The following NMBR variants were observed in gnomAD, a reference collection of about 807,000 sequenced individuals.
NMBR encodes the protein neuromedin-B receptor.
In NMBR, 16 loss-of-function variants were observed where a neutral mutation model predicts 20.5. That is an observed-to-expected ratio of 0.78 (90% CI 0.53 to 1.19). The LOEUF is 1.19. Among genes scored for constraint, NMBR ranks in the 50% most tolerant of loss-of-function variants. NMBR has a pLI of 0.00. For synonymous variants in NMBR, 212 were observed against 196.6 expected (o/e 1.08, Z -0.65); for missense variants, 582 against 499.1 (o/e 1.17, Z -1.58).
intron 1 of NMBR, among the ~76,000 whole-genome samples, chr6:142,113,310 T>A (rs1777803538): frequency 6.6e-6 from 1 of 152,120 alleles, no homozygotes. Context: ...TCATACACAC[T>A]GAGAGTGGCA....
At chr6:142,079,126 G>GAGA (rs1554257076) in intron 2 of NMBR, among the ~76,000 whole-genome samples, 1 of 103,278 alleles carries the variant, frequency 9.7e-6, no homozygotes, top group Non-Finnish European at 1.9e-5. Context: ...AAGAAAGAAA[G>GAGA]AAGAAAGAAA....
intron 1 of NMBR, among the ~76,000 whole-genome samples, chr6:142,132,921 C>T (rs909322163): frequency 3.3e-5 from 5 of 152,078 alleles, no homozygotes; most frequent in African/African-American, 9.7e-5. Context: ...TTAGATTGGC[C>T]ACATGCTCTC....
intron 1 of NMBR, among the ~76,000 whole-genome samples, chr6:142,104,506 A>T (rs1470424680): frequency 1.3e-5 from 2 of 152,200 alleles, no homozygotes; most frequent in Non-Finnish European, 2.9e-5. Flanking sequence ...CTGAAATTTG[A>T]TTTTGGAAAG....
intron 1 of NMBR, among the ~76,000 whole-genome samples, chr6:142,108,252 A>T (rs904357801): frequency 1.3e-5 from 2 of 152,210 alleles, no homozygotes; most frequent in Non-Finnish European, 2.9e-5. Flanking sequence ...CAAATAGGAC[A>T]AACACAAAGA....
intron 1 of NMBR, among the ~76,000 whole-genome samples, chr6:142,097,696 G>C (rs1290180864): frequency 6.6e-6 from 1 of 151,972 alleles, no homozygotes; most frequent in Non-Finnish European, 1.5e-5. Flanking sequence ...ATGAAAATCA[G>C]CAAGTAATTA....
rs1777021716 is a variant in NMBR, at chr6:142,078,975, A to AG, written c.423-73_423-72insC. On this transcript the variant is annotated intron_variant, in intron 2 of 3. Coordinates refer to ENST00000258042, the MANE Select transcript of NMBR (RefSeq NM_002511.4). ...AAAAAGAGAAAGAAAAGAAAGAAAG[A>AG]AAAAGAAAGGAAGAAAGGGAGAGAG... 6 of 1,113,874 alleles carry AG rather than the reference A, an allele frequency of 5.4e-6. No homozygotes were observed. The African/African-American group carries it at 9.5e-5, about 18-fold the overall frequency. 69.0% of individuals were successfully genotyped at this position (1,113,874 alleles called of 1,614,324 possible).
At chr6:142,102,137 C>T (rs1777575685) in intron 1 of NMBR, among the ~76,000 whole-genome samples, 1 of 152,042 alleles carries the variant, frequency 6.6e-6, no homozygotes, top group Non-Finnish European at 1.5e-5. Context: ...GCCTGTAATC[C>T]CAGTACTTTG....
chr6:142,079,126 G>GAAAGAAAGAAAGAGAGAAAGA (rs11451074), intron 2 of NMBR, among the ~76,000 whole-genome samples: 1 of 103,278 alleles, frequency 9.7e-6, no homozygotes, highest in Non-Finnish European at 1.9e-5. Flanking sequence ...AAGAAAGAAA[G>GAAAGAAAGAAAGAGAGAAAGA]AAGAAAGAAA....
chr6:142,079,755 A>C (rs2114556223), intron 2 of NMBR, among the ~76,000 whole-genome samples: 1 of 152,296 alleles, frequency 6.6e-6, no homozygotes, highest in African/African-American at 2.4e-5. Context: ...AAAGCAGAAC[A>C]ATATTCTGTC....
At chr6:142,079,048 GAA>G (rs1777025891) in intron 2 of NMBR, 145 bp from the exon 3 acceptor site, 8 of 438,740 alleles carry the variant, frequency 1.8e-5, no homozygotes, top group Non-Finnish European at 3.2e-5. Context: ...AAGAGAGAAA[GAA>G]AGAGAGAAAG....
chr6:142,077,041 A>G (rs1221354131), intron 3 of NMBR, among the ~76,000 whole-genome samples: 1 of 152,232 alleles, frequency 6.6e-6, no homozygotes, highest in Non-Finnish European at 1.5e-5. Context: ...GATGTTCCAC[A>G]TGGATCCCAG....
intron 2 of NMBR, 71 bp from the exon 3 acceptor site, chr6:142,078,974 G>A (rs770787066): frequency 2.0e-6 from 2 of 997,616 alleles, no homozygotes; most frequent in Non-Finnish European, 1.4e-6. Context: ...AAGAAAGAAA[G>A]AAAAAGAAAG....
intron 1 of NMBR, among the ~76,000 whole-genome samples, chr6:142,116,221 C>T (rs1455142097): frequency 1.3e-5 from 2 of 151,822 alleles, no homozygotes; most frequent in Non-Finnish European, 2.9e-5. Context: ...AGCAGCATGA[C>T]AATGGACTAA....
At chr6:142,114,297 C>A (rs2114592312) in intron 1 of NMBR, among the ~76,000 whole-genome samples, 1 of 152,054 alleles carries the variant, frequency 6.6e-6, no homozygotes, top group Non-Finnish European at 1.5e-5. Flanking sequence ...ATCTCTATCA[C>A]CTTTTTTTCT....
intron 1 of NMBR, among the ~76,000 whole-genome samples, chr6:142,138,527 A>G (rs1778311003): frequency 6.6e-6 from 1 of 152,142 alleles, no homozygotes; most frequent in South Asian, 2.1e-4. Flanking sequence ...CAGGGTGGGG[A>G]CTGGTAAAAA....
intron 1 of NMBR, among the ~76,000 whole-genome samples, chr6:142,092,476 A>G (rs1240040682): frequency 2.6e-5 from 4 of 152,168 alleles, no homozygotes; most frequent in African/African-American, 4.8e-5. Flanking sequence ...ATTAAAGAAT[A>G]TATATGAGAC....
At chr6:142,110,733 T>C (rs762781442) in intron 1 of NMBR, among the ~76,000 whole-genome samples, 8 of 152,152 alleles carry the variant, frequency 5.3e-5, no homozygotes, top group Non-Finnish European at 8.8e-5. Flanking sequence ...ATATGAATTA[T>C]ATATCAACAA....
intron 1 of NMBR, among the ~76,000 whole-genome samples, chr6:142,115,452 C>T (rs1194078542): frequency 6.6e-6 from 1 of 151,996 alleles, no homozygotes; most frequent in African/African-American, 2.4e-5. Context: ...GTGTGGAACA[C>T]TCAGAATGCT....
At chr6:142,113,333 A>G (rs962275189) in intron 1 of NMBR, among the ~76,000 whole-genome samples, 3 of 152,190 alleles carry the variant, frequency 2.0e-5, no homozygotes, top group African/African-American at 4.8e-5. Flanking sequence ...TGAAGACTTC[A>G]TTAATAAAAA....
Sources: gnomAD v4.1 joint callset for allele counts (sites outside exome capture counted in the v4.1 genomes callset) on GRCh38, gnomAD v4.1.1 for gene constraint, MANE v1.5 for transcripts, NCBI Gene and HGNC (gene_info 2026-07-23, HGNC 2026-07-21) for gene names.